Variants in SIRT2 observed in about 807,000 individuals in gnomAD.
SIRT2 encodes sirtuin 2.
Under a neutral mutation model 57.4 loss-of-function variants are expected in SIRT2, and 40 were observed. The ratio of observed to expected loss-of-function variants is 0.70; its 90% CI spans 0.54 to 0.91. SIRT2 has a LOEUF of 0.91. SIRT2 is among the 40% of genes least tolerant of loss of function. SIRT2 has a pLI of 0.00. For missense variants in SIRT2, 439 were observed against 510.4 expected (o/e 0.86, Z 1.35); for synonymous variants, 161 against 195.7 (o/e 0.82, Z 1.48).
chr19:38,880,271 C>A lies in SIRT2; in HGVS notation c.876+414G>T. ...GGACAGTGTCTGCCCACAGCGTGCG[C>A]TGCTTGCCCGGTGACCCTGCCTACT... On this transcript the variant is annotated intron_variant, in intron 13 of 15. Coordinates refer to ENST00000249396, the MANE Select transcript of SIRT2 (RefSeq NM_012237.4). This position sits in a 1 kb window ranked among gnomAD's most constrained non-coding sequence, Gnocchi z 4.1. 4.9e-6 allele frequency: 1 copy of A among 206,110 alleles called. No homozygotes were observed. Among genetic ancestry groups the A allele is most frequent in the Non-Finnish European group, 9.7e-6 (1 of 102,640 alleles). The allele number at this position is 206,110 out of a possible 1,614,324, so 12.8% of individuals were successfully genotyped here.
chr19:38,879,371 A>T, intron 15 of SIRT2, 61 bp from the exon 16 acceptor site: 6 of 1,603,236 alleles, frequency 3.7e-6, no homozygotes, highest in Non-Finnish European at 5.1e-6. Flanking sequence ...CAGAGGACCC[A>T]TGGGGTGGGG....
At position 38,889,077 on chromosome 19, in the gene SIRT2, A is replaced by G. The variant is rs1423023043; in HGVS notation, c.501+10T>C. 6.2e-7 allele frequency: 1 copy of G among 1,610,978 alleles called. No homozygotes were observed. The highest frequency in any genetic ancestry group is 1.1e-5 in the South Asian group (1 of 91,080). ...CCCATCCTCCTCCCAGGATGCTCGC[A>G]TCCGCCTACCTGCGTGTAGCAGCGC... On this transcript the variant is annotated intron_variant, in intron 8 of 15. Transcript: ENST00000249396.
intron 10 of SIRT2, 49 bp downstream of exon 10, chr19:38,881,383 G>A (rs1289455446): frequency 1.9e-6 from 3 of 1,566,050 alleles, no homozygotes; most frequent in Non-Finnish European, 2.6e-6. Context: ...GGGGGAGGAG[G>A]GGACCCCCAC....
At chr19:38,893,263 A>G (rs1378996039) in intron 4 of SIRT2, 151 bp downstream of exon 4, 4 of 628,764 alleles carry the variant, frequency 6.4e-6, no homozygotes, top group Non-Finnish European at 8.6e-6. Flanking sequence ...ATTAGAGCCA[A>G]CACACTCCTT....
intron 4 of SIRT2, among the ~76,000 whole-genome samples, chr19:38,891,441 C>G (rs575724729): frequency 2.6e-5 from 4 of 152,044 alleles, no homozygotes; most frequent in Non-Finnish European, 4.4e-5. Flanking sequence ...CCCAGCTACT[C>G]GGGAGGCTGA....
At chr19:38,892,736 CTATT>C (rs1458171174) in intron 4 of SIRT2, among the ~76,000 whole-genome samples, 1 of 115,658 alleles carries the variant, frequency 8.6e-6, no homozygotes, top group African/African-American at 2.8e-5. Flanking sequence ...CCATATCTGA[CTATT>C]TTTTTTTTTC....
rs1485470564 is a variant in SIRT2 at position 38,883,859 on chromosome 19, G to A, written c.502-103C>T. The A allele has an allele frequency of 4.0e-5, 50 of 1,265,188 alleles. No individual in the cohort carries two copies. The Middle Eastern group carries it at 5.7e-4, about 14-fold the overall frequency. 78.4% of individuals were successfully genotyped at this position (1,265,188 alleles called of 1,614,324 possible). ...GGGCCACGAGGAGCAGTGAGGTGGT[G>A]GGGACAGGTGGAGAAGGGAGGGAGG... On this transcript the variant is annotated intron_variant, in intron 8 of 15. Coordinates refer to ENST00000249396, the MANE Select transcript of SIRT2 (RefSeq NM_012237.4).
intron 13 of SIRT2, 100 bp from the exon 14 acceptor site, chr19:38,879,802 G>A (rs1973079569): frequency 1.2e-6 from 1 of 820,184 alleles, no homozygotes; most frequent in Admixed American, 2.9e-5. Flanking sequence ...CTAGCTCTGT[G>A]ACTTTGTTTT....
rs546232239 is a variant in SIRT2, at chr19:38,899,042, A to T, written c.16+464T>A. 2.9e-5 allele frequency: 6 copies of T among 209,126 alleles called. No homozygotes were observed. The East Asian group carries it at 7.0e-4, about 24-fold the overall frequency. The allele number at this position is 209,126 out of a possible 1,614,324, so 13.0% of individuals were successfully genotyped here. On this transcript the variant is annotated intron_variant, in intron 1 of 15. Coordinates refer to ENST00000249396, the MANE Select transcript of SIRT2 (RefSeq NM_012237.4). ...AGGGAAGTTTAGAAAGGAAAAGAGA[A>T]GGGAAGAGACGCTTTGGCTGGGAGG...
At chr19:38,895,550 C>T (rs1448683928) in intron 2 of SIRT2, among the ~76,000 whole-genome samples, 1 of 152,238 alleles carries the variant, frequency 6.6e-6, no homozygotes. Flanking sequence ...AGACAACTCC[C>T]TTCCCCGGAT....
rs1199452634 is a variant in SIRT2, at chr19:38,878,975, G to C, written c.*180C>G. 1 of 591,514 alleles carries C rather than the reference G, an allele frequency of 1.7e-6. No individual in the cohort carries two copies. Among genetic ancestry groups the C allele is most frequent in the Non-Finnish European group, 2.8e-6 (1 of 350,960 alleles). The allele number at this position is 591,514 out of a possible 1,614,324, so 36.6% of individuals were successfully genotyped here. A position where few individuals can be genotyped will look rare whatever the true frequency, so the allele number is the denominator to read the frequency against. ...AAGCCTTGGCCTCTAGGAGGTGTTA[G>C]AGATTTGCTGGGGTTGGGGGCCAGG... On this transcript the variant is annotated 3_prime_UTR_variant, in exon 16 of 16. Transcript: ENST00000249396.
chr19:38,893,644 G>T, intron 3 of SIRT2, 117 bp from the exon 4 acceptor site: 1 of 1,168,668 alleles, frequency 8.6e-7, no homozygotes. Context: ...AAAGGCACAA[G>T]GCCCGGCCCA....
At chr19:38,886,931 G>GT (rs1973360934) in intron 8 of SIRT2, among the ~76,000 whole-genome samples, 1 of 151,656 alleles carries the variant, frequency 6.6e-6, no homozygotes. Context: ...GTTTGTATGT[G>GT]ATGTGTCATT....
chr19:38,885,433 T>C (rs144518226), intron 8 of SIRT2, among the ~76,000 whole-genome samples: 2,397 of 150,508 alleles, frequency 0.016, 70 homozygotes, highest in African/African-American at 0.054. Context: ...CTTTTCTTTT[T>C]TTTTTTTTTC....
intron 4 of SIRT2, among the ~76,000 whole-genome samples, chr19:38,891,092 C>T (rs553963610): frequency 9.2e-5 from 14 of 152,264 alleles, no homozygotes; most frequent in Non-Finnish European, 1.8e-4. Flanking sequence ...ACTGTTTGAC[C>T]CTACACTGAG....
At chr19:38,891,831 G>A (rs553736664) in intron 4 of SIRT2, 84 of 468,186 alleles carry the variant, frequency 1.8e-4, no homozygotes, top group African/African-American at 1.6e-3. Context: ...AGGAACAAAT[G>A]CTTTGTAGCC....
At position 38,883,698 on chromosome 19, in the gene SIRT2, T is replaced by C; in HGVS notation, c.560A>G (p.His187Arg). 1 of 1,614,034 alleles carries C rather than the reference T, an allele frequency of 6.2e-7. No individual in the cohort carries two copies. Among genetic ancestry groups the C allele is most frequent in the Non-Finnish European group, 8.5e-7 (1 of 1,179,968 alleles). ...GLEQEDLVEAHGTFYTSHCVS... is the reference protein window; with the variant it reads ...GLEQEDLVEARGTFYTSHCVS... ...GCAGTGTGATGTGTAGAAGGTGCCG[T>C]GCGCCTCCACCAAGTCCTCCTGTTC... The change falls in exon 9 of 16, where the codon CAC becomes CGC. Residue 187 changes from histidine (H) to arginine (R), a missense_variant. Transcript: ENST00000249396.
At chr19:38,895,270 T>C (rs984982353) in intron 2 of SIRT2, among the ~76,000 whole-genome samples, 2 of 152,066 alleles carry the variant, frequency 1.3e-5, no homozygotes, top group African/African-American at 2.4e-5. Flanking sequence ...CTGCCCTGCA[T>C]GTGAGGCTGT....
In SIRT2 at chr19:38,886,624, T is replaced by G. The variant is rs956714076; in HGVS notation, c.501+2463A>C. Among the ~76,000 whole-genome samples the G allele has an allele frequency of 1.3e-4, 19 of 150,024 alleles. 1 individual carries two copies. The highest frequency in any genetic ancestry group is 2.9e-4 in the African/African-American group (12 of 41,002). On this transcript the variant is annotated intron_variant, in intron 8 of 15. Transcript: ENST00000249396. ...GTGCACTACCATGCCTGGCTAATTT[T>G]TTTTTTTTTTTTTTTGAGATGGAGT...
Sources: allele counts gnomAD v4.1 joint callset (sites outside exome capture counted in the v4.1 genomes callset), GRCh38; gene constraint gnomAD v4.1.1; non-coding constraint Gnocchi (gnomAD v3.1); transcripts MANE v1.5; gene names NCBI Gene and HGNC (gene_info 2026-07-23, HGNC 2026-07-21).